Variants in HCN2 observed in about 807,000 individuals in gnomAD.
The protein encoded by HCN2 is potassium/sodium hyperpolarization-activated cyclic nucleotide-gated channel 2.
In HCN2, 20 loss-of-function variants were observed where a neutral mutation model predicts 52.3. That is an observed-to-expected ratio of 0.38 (90% CI 0.27 to 0.56). The LOEUF (loss-of-function observed/expected upper bound fraction) is 0.56, where lower values mean the gene tolerates loss of function less well. Among genes scored for constraint, HCN2 ranks in the 20% least tolerant of loss-of-function variants. The pLI is 0.71. For missense variants in HCN2, 981 were observed against 1,207.7 expected (o/e 0.81, Z 2.78); for synonymous variants, 694 against 537.0 (o/e 1.29, Z -4.04).
intron 5 of HCN2, among the ~76,000 whole-genome samples, chr19:612,991 G>A (rs1380446963): frequency 1.3e-5 from 2 of 152,108 alleles, no homozygotes; most frequent in Non-Finnish European, 2.9e-5. Context: ...CCTTTCCACC[G>A]CTCTTGTCTA....
chr19:607,812 T>C (rs979723207), intron 3 of HCN2, 152 bp from the exon 4 acceptor site: 5 of 620,036 alleles, frequency 8.1e-6, no homozygotes, highest in Non-Finnish European at 1.4e-5. Flanking sequence ...CCATGTCATC[T>C]ACCTGGGTCT....
In HCN2 at chr19:616,892, G is replaced by C. The variant is rs907454858; in HGVS notation, c.*418G>C. ...GCAATACTTGGCCCGCCGGCTTCCC[G>C]CTGCCCCCATCGCGCTCACGCAATA... On this transcript the variant is annotated 3_prime_UTR_variant, in exon 8 of 8. Transcript: ENST00000251287. The C allele has an allele frequency of 7.9e-6, 2 of 253,010 alleles. No homozygotes were observed. The highest frequency in any genetic ancestry group is 1.5e-5 in the Non-Finnish European group (2 of 132,642). 15.7% of individuals were successfully genotyped at this position (253,010 alleles called of 1,614,324 possible). A position where few individuals can be genotyped will look rare whatever the true frequency, so the allele number is the denominator to read the frequency against.
chr19:607,041 G>A (rs9677027), intron 3 of HCN2, among the ~76,000 whole-genome samples: 35,301 of 151,336 alleles, frequency 0.23, 4,997 homozygotes, highest in African/African-American at 0.4. Context: ...GCGTGGTGGC[G>A]CATGCCTGTA....
At chr19:600,195 C>CA (rs1025108801) in intron 1 of HCN2, among the ~76,000 whole-genome samples, 51 of 152,272 alleles carry the variant, frequency 3.3e-4, no homozygotes, top group African/African-American at 1.1e-3. Flanking sequence ...TTCTTTGAGA[C>CA]AGAGTCTCGC....
chr19:610,556 C>T (rs939901221), intron 5 of HCN2, 151 bp downstream of exon 5: 1 of 668,768 alleles, frequency 1.5e-6, no homozygotes, highest in Admixed American at 2.9e-5. Flanking sequence ...ACCCTCCCCT[C>T]CCCGCCCCGT....
At chr19:611,158 T>C (rs1568367243) in intron 5 of HCN2, among the ~76,000 whole-genome samples, 1 of 152,188 alleles carries the variant, frequency 6.6e-6, no homozygotes, top group African/African-American at 2.4e-5. Context: ...TAAGGTCCTA[T>C]TCACAGGAAC....
chr19:592,802 A>C lies in HCN2; in HGVS notation c.632+2225A>C, dbSNP rs1982911382. On this transcript the variant is annotated intron_variant, in intron 1 of 7. Transcript: ENST00000251287. The surrounding 1 kb of genome is among the most constrained non-coding windows in gnomAD (Gnocchi z 4.8). ...AGCAGGCGGCCGGACCCTGCTGTGG[A>C]GGGTGTTTTGGGGCAGCCCACAGCA... Among the ~76,000 whole-genome samples, 1 of 151,850 alleles carries C rather than the reference A, an allele frequency of 6.6e-6. No individual in the cohort carries two copies. Among genetic ancestry groups the C allele is most frequent in the Admixed American group, 6.6e-5 (1 of 15,246 alleles).
chr19:613,118 G>A (rs959878930), intron 5 of HCN2, 130 bp from the exon 6 acceptor site: 41 of 1,271,378 alleles, frequency 3.2e-5, no homozygotes, highest in East Asian at 1.3e-4. Flanking sequence ...GCTCGGTTCC[G>A]GCTACGGGGC....
rs1042047460 is a variant in HCN2 at position 616,501 on chromosome 19, G to A, written c.*27G>A. The A allele has an allele frequency of 5.0e-6, 6 of 1,198,396 alleles. No individual in the cohort carries two copies. Among genetic ancestry groups the A allele is most frequent in the Admixed American group, 4.8e-5 (1 of 20,832 alleles). The allele number at this position is 1,198,396 out of a possible 1,614,324, so 74.2% of individuals were successfully genotyped here. Reference sequence around the variant, plus strand: ...CCTCGCCGACCGCCCCGCGGGCCCAGGCGGGCCGGGGGCGGGGCCGTCATC... The same window carrying A: ...CCTCGCCGACCGCCCCGCGGGCCCAAGCGGGCCGGGGGCGGGGCCGTCATC... On this transcript the variant is annotated 3_prime_UTR_variant, in exon 8 of 8. Transcript: ENST00000251287.
rs201808528 is a variant in HCN2, at chr19:610,225, C to T, written c.1438-34C>T. ...CCCTGTGCCCGCTGCAGGCCGGGGGCGGTGTCTGACCCAGCCTCGCCTCCT... is the reference window on the plus strand; with the variant it reads ...CCCTGTGCCCGCTGCAGGCCGGGGGTGGTGTCTGACCCAGCCTCGCCTCCT... On this transcript the variant is annotated intron_variant, in intron 4 of 7. Coordinates refer to ENST00000251287, the MANE Select transcript of HCN2 (RefSeq NM_001194.4). The T allele has an allele frequency of 3.7e-4, 590 of 1,603,800 alleles. 4 individuals are homozygous for T. The highest frequency in any genetic ancestry group is 9.1e-4 in the Middle Eastern group (5 of 5,520).
chr19:608,202 C>G lies in HCN2; in HGVS notation c.1437+20C>G. 6.2e-7 allele frequency: 1 copy of G among 1,606,068 alleles called. No homozygotes were observed. Among genetic ancestry groups the G allele is most frequent in the Non-Finnish European group, 8.5e-7 (1 of 1,175,162 alleles). ...GAGAAGGTCTGAGGGAGGCGGGCCC[C>G]GGCCTGGGTTCTGATGGGGGAGGCG... On this transcript the variant is annotated intron_variant, in intron 4 of 7. Transcript: ENST00000251287.
chr19:590,198 C>T lies in HCN2; in HGVS notation c.253C>T (p.Pro85Ser). ...LRSRDSSCGR[P>S]GTPGAASTAK... ...CAGCCGCGACAGCTCGTGCGGCCGCCCCGGCACCCCGGGCGCGGCGAGCAC... is the reference window on the plus strand; with the variant it reads ...CAGCCGCGACAGCTCGTGCGGCCGCTCCGGCACCCCGGGCGCGGCGAGCAC... Residue 85 changes from proline (P) to serine (S), a missense_variant, in exon 1 of 8, where the codon CCC (proline) becomes TCC (serine). By Grantham distance (74) the Pro-to-Ser change is moderately conservative (BLOSUM62 -1). Transcript: ENST00000251287. The surrounding 1 kb of genome is among the most constrained non-coding windows in gnomAD (Gnocchi z 7.2). The T allele has an allele frequency of 3.1e-6, 3 of 982,996 alleles. No homozygotes were observed. Among genetic ancestry groups the T allele is most frequent in the Non-Finnish European group, 3.6e-6 (3 of 830,424 alleles). 60.9% of individuals were successfully genotyped at this position (982,996 alleles called of 1,614,324 possible). A position where few individuals can be genotyped will look rare whatever the true frequency, so the allele number is the denominator to read the frequency against.
intron 4 of HCN2, among the ~76,000 whole-genome samples, chr19:608,807 T>A (rs548151927): frequency 6.6e-6 from 1 of 152,042 alleles, no homozygotes; most frequent in Non-Finnish European, 1.5e-5. Flanking sequence ...GACACGCCGG[T>A]GGCCGGCAGT....
Position 590,066 on chromosome 19 carries a change from CCCG to C in HCN2, c.123_125del (p.Ala42del). On this transcript the variant is annotated inframe_deletion, in exon 1 of 8. Transcript: ENST00000251287. The surrounding 1 kb of genome is among the most constrained non-coding windows in gnomAD (Gnocchi z 7.2). The stretch of plus-strand genomic sequence containing the variant: ...ACAGCAGCCGCCGCCGCCGCCGCCG[CCCG>C]CGCCCCCCCCGGGCCCCGGGCCCGC... 2 of 616,570 alleles carry C rather than the reference CCCG, an allele frequency of 3.2e-6. No individual in the cohort carries two copies. Among genetic ancestry groups the C allele is most frequent in the Non-Finnish European group, 4.0e-6 (2 of 501,742 alleles). The allele number at this position is 616,570 out of a possible 1,614,324, so 38.2% of individuals were successfully genotyped here. A position where few individuals can be genotyped will look rare whatever the true frequency, so the allele number is the denominator to read the frequency against.
rs1006261378 is a variant in HCN2, at chr19:613,200, A to C, written c.1585-48A>C. The C allele has an allele frequency of 3.2e-6, 5 of 1,559,506 alleles. No homozygotes were observed. In the African/African-American group the frequency reaches 4.1e-5, roughly 13 times the overall value. On this transcript the variant is annotated intron_variant, in intron 5 of 7. Transcript: ENST00000251287. ...GGTCCCAGAGGCAGGGCGAGGGGGAAGCGGGAGTGGGGTCCGCAGCGGACC... is the reference window on the plus strand; with the variant it reads ...GGTCCCAGAGGCAGGGCGAGGGGGACGCGGGAGTGGGGTCCGCAGCGGACC...
At chr19:595,408 T>G (rs904211434) in intron 1 of HCN2, among the ~76,000 whole-genome samples, 1 of 152,136 alleles carries the variant, frequency 6.6e-6, no homozygotes, top group Admixed American at 6.5e-5. Context: ...CATCGGTCCT[T>G]CTTTCCCTGT....
intron 5 of HCN2, among the ~76,000 whole-genome samples, chr19:611,042 G>C (rs1408852464): frequency 1.3e-5 from 2 of 152,218 alleles, no homozygotes; most frequent in African/African-American, 4.8e-5. Context: ...TCCCCTGTGT[G>C]TCTCTGTCTC....
chr19:615,932 C>A lies in HCN2; in HGVS notation c.2128C>A (p.Arg710Ser). 1 of 1,610,760 alleles carries A rather than the reference C, an allele frequency of 6.2e-7. No homozygotes were observed. The highest frequency in any genetic ancestry group is 8.5e-7 in the Non-Finnish European group (1 of 1,179,442). The change falls in exon 8 of 8, where the codon CGC (arginine) becomes AGC (serine). Residue 710 changes from arginine (R) to serine (S), a missense_variant. Arg to Ser is a moderately radical substitution (Grantham distance 110). This residue lies in a region of HCN2 where 368 missense variants were observed against 314.8 expected (regional missense o/e 1.17). Transcript: ENST00000251287. ...EMVQQAELGQ[R>S]VGLFPPPPPP... ...GGTGCAGCAGGCCGAGCTGGGTCAG[C>A]GCGTGGGCCTCTTCCCGCCGCCGCC...
rs531236806 is a variant in HCN2, at chr19:590,555, A to G, written c.610A>G (p.Ile204Val). 18 of 1,495,848 alleles carry G rather than the reference A, an allele frequency of 1.2e-5. No homozygotes were observed. In the South Asian group the frequency reaches 2.1e-4, roughly 18 times the overall value. The allele number at this position is 1,495,848 out of a possible 1,614,324, so 92.7% of individuals were successfully genotyped here. ...ERVKSAGAWI[I>V]HPYSDFRFYW... ...CGTCAAGTCGGCGGGGGCCTGGATC[A>G]TCCACCCGTACAGCGACTTCAGGTA... The change falls in exon 1 of 8, where the codon ATC becomes GTC. Residue 204 changes from isoleucine to valine, a missense_variant. This residue lies in a region of HCN2 where 282 missense variants were observed against 553.8 expected (regional missense o/e 0.51). Coordinates refer to ENST00000251287, the MANE Select transcript of HCN2 (RefSeq NM_001194.4). This position sits in a 1 kb window ranked among gnomAD's most constrained non-coding sequence, Gnocchi z 7.2.
Sources: gnomAD v4.1 joint callset for allele counts (sites outside exome capture counted in the v4.1 genomes callset) on GRCh38, gnomAD v4.1.1 for gene constraint, gnomAD v4.1.1 regional missense constraint, Gnocchi (gnomAD v3.1) non-coding constraint, MANE v1.5 for transcripts, NCBI Gene and HGNC (gene_info 2026-07-23, HGNC 2026-07-21) for gene names.